CATSPER3: variants seen among roughly 807,000 people sequenced by gnomAD.
The protein encoded by CATSPER3 is cation channel sperm associated 3.
Under a neutral mutation model 36.6 loss-of-function variants are expected in CATSPER3, and 23 were observed. The ratio of observed to expected loss-of-function variants is 0.63; its 90% CI spans 0.45 to 0.89. The LOEUF (loss-of-function observed/expected upper bound fraction) is 0.89. Ranked by LOEUF, CATSPER3 falls within the 40% of genes least tolerant of loss-of-function variation. CATSPER3 has a pLI of 0.00. For synonymous variants in CATSPER3, 172 were observed against 184.1 expected (o/e 0.93, Z 0.53); for missense variants, 474 against 503.9 (o/e 0.94, Z 0.57).
chr5:134,999,652 T>C (rs2149551496), intron 3 of CATSPER3, among the ~76,000 whole-genome samples: 1 of 152,296 alleles, frequency 6.6e-6, no homozygotes. Context: ...TTTCTAGGTA[T>C]TTATTCTCTT....
chr5:135,006,753 G>A (rs1752092182), intron 3 of CATSPER3, among the ~76,000 whole-genome samples: 1 of 150,608 alleles, frequency 6.6e-6, no homozygotes, highest in African/African-American at 2.5e-5. Context: ...CAGGAGAATG[G>A]CATGAACCCG....
chr5:134,989,805 C>T (rs112866531), intron 2 of CATSPER3, among the ~76,000 whole-genome samples: 4,712 of 152,264 alleles, frequency 0.031, 227 homozygotes, highest in African/African-American at 0.11. Flanking sequence ...TTTCTATTCC[C>T]AACTTGGCTA....
intron 3 of CATSPER3, among the ~76,000 whole-genome samples, chr5:134,999,861 C>A (rs1055834542): frequency 8.5e-5 from 13 of 152,112 alleles, no homozygotes; most frequent in African/African-American, 3.1e-4. Context: ...CAAACAGGGA[C>A]AATTTGACTT....
intron 2 of CATSPER3, among the ~76,000 whole-genome samples, chr5:134,972,595 TGAA>T (rs1751620441): frequency 6.6e-6 from 1 of 151,638 alleles, no homozygotes; most frequent in Non-Finnish European, 1.5e-5. Flanking sequence ...CAATAAGAAA[TGAA>T]GACATGAAAA....
intron 2 of CATSPER3, among the ~76,000 whole-genome samples, chr5:134,984,040 G>A (rs1478800444): frequency 6.6e-6 from 1 of 152,190 alleles, no homozygotes; most frequent in Non-Finnish European, 1.5e-5. Flanking sequence ...TTGGGGAAAG[G>A]ACACCCTATT....
At chr5:134,968,225 C>T in intron 1 of CATSPER3, 136 bp downstream of exon 1, 1 of 704,744 alleles carries the variant, frequency 1.4e-6, no homozygotes, top group African/African-American at 1.8e-5. Flanking sequence ...CCTTGACAAT[C>T]TGGTTTCTAT....
intron 2 of CATSPER3, among the ~76,000 whole-genome samples, chr5:134,989,159 T>C (rs1751849961): frequency 6.6e-6 from 1 of 152,194 alleles, no homozygotes; most frequent in Admixed American, 6.5e-5. Context: ...TGTAAACCGA[T>C]ATGCTGTCAT....
chr5:134,992,374 A>G (rs1342138915), intron 2 of CATSPER3, among the ~76,000 whole-genome samples: 1 of 152,174 alleles, frequency 6.6e-6, no homozygotes, highest in East Asian at 1.9e-4. Flanking sequence ...GGAAATGCAA[A>G]TGAAAACCAC....
At chr5:134,970,186 A>AGATTCTG in intron 2 of CATSPER3, 94 bp downstream of exon 2, 2 of 1,230,512 alleles carry the variant, frequency 1.6e-6, no homozygotes, top group Non-Finnish European at 2.4e-6. Flanking sequence ...CCGAGACAGA[A>AGATTCTG]TCTCACTCTG....
intron 2 of CATSPER3, among the ~76,000 whole-genome samples, chr5:134,994,740 C>G (rs1175155403): frequency 6.6e-6 from 1 of 152,228 alleles, no homozygotes; most frequent in Non-Finnish European, 1.5e-5. Context: ...ACCTCTGCTG[C>G]TCTGCTCTCT....
At chr5:135,006,501 A>G (rs1469044060) in intron 3 of CATSPER3, among the ~76,000 whole-genome samples, 1 of 152,158 alleles carries the variant, frequency 6.6e-6, no homozygotes, top group Non-Finnish European at 1.5e-5. Flanking sequence ...TCCTTGGGAA[A>G]GAAGTTCTGC....
intron 1 of CATSPER3, chr5:134,969,310 A>G (rs1038930698): frequency 6.4e-6 from 1 of 155,170 alleles, no homozygotes; most frequent in African/African-American, 2.4e-5. Flanking sequence ...GCTCAATCAT[A>G]CTACACTGTT....
intron 3 of CATSPER3, among the ~76,000 whole-genome samples, chr5:135,005,761 A>G (rs1163851347): frequency 6.6e-6 from 1 of 150,868 alleles, no homozygotes; most frequent in East Asian, 1.9e-4. Flanking sequence ...ACAGAGATGC[A>G]CAAATGTTCA....
At chr5:135,003,537 C>T (rs945958020) in intron 3 of CATSPER3, among the ~76,000 whole-genome samples, 1 of 152,338 alleles carries the variant, frequency 6.6e-6, no homozygotes, top group African/African-American at 2.4e-5. Context: ...TTCAGCTATG[C>T]CCTGCCCTCA....
At chr5:134,993,835 A>G (rs895458715) in intron 2 of CATSPER3, among the ~76,000 whole-genome samples, 1 of 152,214 alleles carries the variant, frequency 6.6e-6, no homozygotes, top group Non-Finnish European at 1.5e-5. Flanking sequence ...TTATAAACAT[A>G]TAAAACTGTC....
intron 3 of CATSPER3, among the ~76,000 whole-genome samples, chr5:135,004,972 G>A (rs1752066906): frequency 6.6e-6 from 1 of 152,132 alleles, no homozygotes; most frequent in Non-Finnish European, 1.5e-5. Flanking sequence ...AGGAACTGTG[G>A]AATGAGGGTG....
chr5:134,984,360 G>A (rs532236031), intron 2 of CATSPER3, among the ~76,000 whole-genome samples: 3 of 152,194 alleles, frequency 2.0e-5, no homozygotes, highest in Non-Finnish European at 4.4e-5. Flanking sequence ...GAAAATATTT[G>A]CAAATTATGC....
chr5:134,983,688 AG>A (rs1159555339), intron 2 of CATSPER3, among the ~76,000 whole-genome samples: 1 of 152,234 alleles, frequency 6.6e-6, no homozygotes, highest in African/African-American at 2.4e-5. Flanking sequence ...CTAAGAGAAA[AG>A]GAAGGACATT....
intron 2 of CATSPER3, among the ~76,000 whole-genome samples, chr5:134,976,256 C>G (rs1244285257): frequency 6.6e-6 from 1 of 152,122 alleles, no homozygotes; most frequent in South Asian, 2.1e-4. Context: ...TTGCTTGAGC[C>G]TGAGTGATGA....
Sources: allele counts gnomAD v4.1 joint callset (sites outside exome capture counted in the v4.1 genomes callset), GRCh38; gene constraint gnomAD v4.1.1; transcripts MANE v1.5; gene names NCBI Gene and HGNC (gene_info 2026-07-23, HGNC 2026-07-21).